NRK: variants seen among roughly 807,000 people sequenced by gnomAD.
NRK encodes Nik related kinase.
A neutral mutation model predicts 125.2 loss-of-function variants in NRK; 67 were observed. The ratio of observed to expected loss-of-function variants is 0.54; its 90% CI spans 0.44 to 0.66. The LOEUF is 0.66. NRK is among the 30% of genes least tolerant of loss of function. NRK has a pLI of 0.00. For synonymous variants in NRK, 458 were observed against 429.0 expected (o/e 1.07, Z -0.84); for missense variants, 1,224 against 1,192.9 (o/e 1.03, Z -0.38).
Position 105,912,707 on chromosome X carries a change from C to T in NRK, c.2301C>T (p.Val767=), listed in dbSNP as rs1486614292. 9.0e-7 allele frequency: 1 copy of T among 1,117,188 alleles called. No homozygotes were observed. Among genetic ancestry groups the T allele is most frequent in the Admixed American group, 2.7e-5 (1 of 37,294 alleles). The allele number at this position is 1,117,188 out of a possible 1,213,427, so 92.1% of individuals were successfully genotyped here. The change falls in exon 14 of 29, where the codon GTC becomes GTT. Residue 767 remains valine, a synonymous_variant. Coordinates refer to ENST00000243300, the MANE Select transcript of NRK (RefSeq NM_198465.4). ...TATTTCATTCGATTCAGGCTGAAGT[C>T]CAGATAGAGCCATTGAAGCCATACA... is the stretch of plus-strand genomic sequence containing the variant. The part of the protein sequence containing the change: ...DEVFHSIQAE[V]QIEPLKPYIS...
At chrX:105,948,288 A>G (rs1602704923) in intron 26 of NRK, 1 of 118,584 alleles carries the variant, frequency 8.4e-6, no homozygotes, top group East Asian at 2.5e-4. Flanking sequence ...TTTCTGACCC[A>G]ATTAGGATAC....
chrX:105,920,573 G>A lies in NRK; in HGVS notation c.2513-1391G>A, dbSNP rs2040428387. Among the ~76,000 whole-genome samples, 3 of 109,311 alleles carry A rather than the reference G, an allele frequency of 2.7e-5. No individual in the cohort carries two copies. In the Admixed American group the frequency reaches 2.9e-4, roughly 11 times the overall value. The allele number at this position is 109,311 out of a possible 115,157, so 94.9% of individuals were successfully genotyped here. ...TTTGTATCCTCTTTTATTTCCTTGA[G>A]CAGTGGTTTGTAGTTCTCCTTGAAG... On this transcript the variant is annotated intron_variant, in intron 16 of 28. Transcript: ENST00000243300.
intron 6 of NRK, among the ~76,000 whole-genome samples, chrX:105,894,289 G>T (rs1349501217): frequency 1.8e-5 from 2 of 112,188 alleles, no homozygotes; most frequent in African/African-American, 6.5e-5. Flanking sequence ...CATAGATTAA[G>T]ATGAAGATGA....
At chrX:105,878,916 A>G (rs763588432) in intron 2 of NRK, among the ~76,000 whole-genome samples, 11 of 111,408 alleles carry the variant, frequency 9.9e-5, no homozygotes, top group Non-Finnish European at 1.7e-4. Flanking sequence ...TAAAACAAAC[A>G]AAATGTATTC....
chrX:105,910,913 A>C (rs1215200840), intron 13 of NRK, among the ~76,000 whole-genome samples: 1 of 111,643 alleles, frequency 9.0e-6, no homozygotes, highest in African/African-American at 3.3e-5. Context: ...GAAAAACAAC[A>C]TTTCATAATG....
chrX:105,882,748 G>A (rs966569938), intron 4 of NRK, among the ~76,000 whole-genome samples: 2 of 111,231 alleles, frequency 1.8e-5, no homozygotes, highest in African/African-American at 6.5e-5. Flanking sequence ...CTAGGCTCCT[G>A]TTATGTCTAT....
intron 12 of NRK, 82 bp from the exon 13 acceptor site, chrX:105,908,645 T>TAA: frequency 9.1e-7 from 1 of 1,095,972 alleles, no homozygotes; most frequent in South Asian, 2.5e-5. Context: ...GTCCATCTTT[T>TAA]AAAGTAAAAA....
intron 3 of NRK, 58 bp downstream of exon 3, chrX:105,880,313 A>C: frequency 2.2e-6 from 1 of 445,086 alleles, no homozygotes; most frequent in Non-Finnish European, 3.7e-6. Context: ...CCTGGGATAC[A>C]CAACTCAGAA....
At chrX:105,870,521 G>A (rs2039731751) in intron 2 of NRK, among the ~76,000 whole-genome samples, 1 of 111,743 alleles carries the variant, frequency 8.9e-6, no homozygotes, top group Non-Finnish European at 1.9e-5. Flanking sequence ...CCTACTAGTA[G>A]CTATTCATTT....
chrX:105,861,933 C>T (rs942507890), intron 2 of NRK, among the ~76,000 whole-genome samples: 3 of 110,855 alleles, frequency 2.7e-5, no homozygotes, highest in African/African-American at 6.6e-5. Flanking sequence ...CGTGGTGGCA[C>T]GCGCCTGTAA....
intron 2 of NRK, among the ~76,000 whole-genome samples, chrX:105,860,475 C>T (rs1251694795): frequency 9.1e-6 from 1 of 110,138 alleles, no homozygotes; most frequent in Non-Finnish European, 1.9e-5. Context: ...TTAGTGTATA[C>T]AAAAACAGTG....
At chrX:105,900,384 C>G (rs767899991) in intron 8 of NRK, among the ~76,000 whole-genome samples, 5 of 111,618 alleles carry the variant, frequency 4.5e-5, no homozygotes, top group Non-Finnish European at 9.4e-5. Flanking sequence ...GATGAACTTT[C>G]CTTGAGCTTA....
intron 7 of NRK, among the ~76,000 whole-genome samples, chrX:105,897,592 T>G (rs1173018686): frequency 8.9e-6 from 1 of 111,835 alleles, no homozygotes; most frequent in African/African-American, 3.3e-5. Flanking sequence ...TAGCAACTTA[T>G]GGCCTTCCTA....
chrX:105,938,033 A>G (rs1013994225), intron 22 of NRK, among the ~76,000 whole-genome samples: 5 of 111,805 alleles, frequency 4.5e-5, no homozygotes, highest in Non-Finnish European at 9.4e-5. Context: ...TTGTAACAAG[A>G]ATGGATCCCC....
intron 6 of NRK, among the ~76,000 whole-genome samples, chrX:105,894,966 A>G (rs764375759): frequency 1.8e-5 from 2 of 112,317 alleles, no homozygotes; most frequent in African/African-American, 6.5e-5. Context: ...AACACAGATT[A>G]CAAATGCTGT....
rs145404988 is a variant in NRK at position 105,902,444 on chromosome X, G to A, written c.766+1772G>A. Reference sequence around the variant, plus strand: ...TCAGTTTAACTGCAGAAATCCTCCAGGTTATGATAATTATTATCTCATAAG... The same window carrying A: ...TCAGTTTAACTGCAGAAATCCTCCAAGTTATGATAATTATTATCTCATAAG... On this transcript the variant is annotated intron_variant, in intron 9 of 28. Coordinates refer to ENST00000243300, the MANE Select transcript of NRK (RefSeq NM_198465.4). Among the ~76,000 whole-genome samples the A allele has an allele frequency of 6.3e-3, 711 of 112,061 alleles. 6 individuals carry two copies. The highest frequency in any genetic ancestry group is 0.021 in the African/African-American group (650 of 30,849).
chrX:105,881,815 TCTTTC>T (rs1381955234), intron 4 of NRK, 36 bp downstream of exon 4: 1 of 778,465 alleles, frequency 1.3e-6, no homozygotes, highest in African/African-American at 2.1e-5. Context: ...ACCCAAGTAG[TCTTTC>T]CTTTCATTTT....
intron 1 of NRK, among the ~76,000 whole-genome samples, chrX:105,826,159 G>T (rs2039093265): frequency 1.2e-5 from 1 of 83,221 alleles, no homozygotes; most frequent in African/African-American, 4.5e-5. Flanking sequence ...ATATATATAT[G>T]GTAAGATATA....
intron 2 of NRK, among the ~76,000 whole-genome samples, chrX:105,833,929 C>A (rs1273539342): frequency 1.8e-5 from 2 of 111,762 alleles, no homozygotes; most frequent in Non-Finnish European, 3.8e-5. Flanking sequence ...TACAAACCCA[C>A]AAAACTACTG....
Sources: gnomAD v4.1 joint callset for allele counts (sites outside exome capture counted in the v4.1 genomes callset) on GRCh38, gnomAD v4.1.1 for gene constraint, MANE v1.5 for transcripts, NCBI Gene and HGNC (gene_info 2026-07-23, HGNC 2026-07-21) for gene names.